The following GPC3 variants were observed in gnomAD, a reference collection of about 807,000 sequenced individuals.
The protein encoded by GPC3 is glypican 3.
A neutral mutation model predicts 34.4 loss-of-function variants in GPC3; 3 were observed. The ratio of observed to expected loss-of-function variants is 0.09; its 90% CI spans 0.04 to 0.23. The LOEUF is 0.23. GPC3 is among the 10% of genes least tolerant of loss of function. The pLI is 1.00. For missense variants in GPC3, 351 were observed against 445.6 expected (o/e 0.79, Z 1.91); for synonymous variants, 177 against 174.0 (o/e 1.02, Z -0.13).
chrX:133,877,505 G>T (rs1478470355), intron 2 of GPC3, among the ~76,000 whole-genome samples: 1 of 111,903 alleles, frequency 8.9e-6, no homozygotes, highest in African/African-American at 3.2e-5. Context: ...TTCTCAAAGT[G>T]CAATTTGGAA....
chrX:133,672,519 G>A (rs990214230), intron 5 of GPC3, among the ~76,000 whole-genome samples: 2 of 112,044 alleles, frequency 1.8e-5, no homozygotes, highest in African/African-American at 6.5e-5. Context: ...AACAAGGAGT[G>A]TGGTAGAGAC....
intron 2 of GPC3, among the ~76,000 whole-genome samples, chrX:133,843,894 T>A (rs2075836323): frequency 1.8e-5 from 2 of 112,442 alleles, no homozygotes; most frequent in Admixed American, 1.9e-4. Context: ...TTTTCCCTGT[T>A]CTTTATTACA....
chrX:133,792,222 T>C (rs979102976), intron 2 of GPC3, among the ~76,000 whole-genome samples: 29 of 111,396 alleles, frequency 2.6e-4, no homozygotes, highest in African/African-American at 9.2e-4. Context: ...GCCTGGCCTT[T>C]CACCAACCCC....
chrX:133,617,612 A>T (rs1222709607), intron 6 of GPC3, among the ~76,000 whole-genome samples: 9 of 112,418 alleles, frequency 8.0e-5, no homozygotes, highest in Non-Finnish European at 1.7e-4. Context: ...TCATCAAACC[A>T]AATAGTATCT....
At chrX:133,631,637 G>A (rs1034499855) in intron 6 of GPC3, among the ~76,000 whole-genome samples, 5 of 111,254 alleles carry the variant, frequency 4.5e-5, no homozygotes, top group African/African-American at 1.6e-4. Context: ...CCCAGAAGTG[G>A]GATTGCTGGA....
Position 133,636,123 on chromosome X carries a change from AG to A in GPC3, c.1413+25606del, listed in dbSNP as rs894289685. On this transcript the variant is annotated intron_variant, in intron 6 of 7. Coordinates refer to ENST00000370818, the MANE Select transcript of GPC3 (RefSeq NM_004484.4). ...ACACTTACACTTCCTGGTTCACAAA[AG>A]AAAAAAAACATTGTCAATCCAACAT... 1.1e-4 allele frequency among the ~76,000 whole-genome samples: 12 copies of A among 112,051 alleles called. 1 individual carries two copies. The highest frequency in any genetic ancestry group is 1.9e-4 in the Non-Finnish European group (10 of 53,266).
At chrX:133,928,720 A>T (rs2076285487) in intron 2 of GPC3, among the ~76,000 whole-genome samples, 1 of 111,889 alleles carries the variant, frequency 8.9e-6, no homozygotes, top group Admixed American at 9.5e-5. Flanking sequence ...CCTGTTGGCT[A>T]TTTTTATGTC....
intron 5 of GPC3, among the ~76,000 whole-genome samples, chrX:133,671,829 CG>C (rs1214973316): frequency 9.0e-6 from 1 of 111,423 alleles, no homozygotes; most frequent in Non-Finnish European, 1.9e-5. Context: ...CGCCAGGCCC[CG>C]GTGTGTGATG....
chrX:133,762,813 T>C (rs2071808505), intron 2 of GPC3: 1 of 505,818 alleles, frequency 2.0e-6, no homozygotes, highest in Non-Finnish European at 3.6e-6. Context: ...GAGCCCTTGA[T>C]GTCCTGCAAA....
intron 2 of GPC3, among the ~76,000 whole-genome samples, chrX:133,891,705 G>A (rs1353268496): frequency 4.7e-5 from 5 of 106,786 alleles, no homozygotes; most frequent in African/African-American, 1.7e-4. Flanking sequence ...AGGCTAAGGG[G>A]GAAAGATTGC....
At chrX:133,595,855 C>T (rs1163436578) in intron 7 of GPC3, among the ~76,000 whole-genome samples, 1 of 111,617 alleles carries the variant, frequency 9.0e-6, no homozygotes, top group African/African-American at 3.3e-5. Context: ...ATGCCATAGC[C>T]TATCTATGTT....
chrX:133,813,097 T>C (rs749858620), intron 2 of GPC3, among the ~76,000 whole-genome samples: 69 of 112,742 alleles, frequency 6.1e-4, no homozygotes, highest in Non-Finnish European at 1.0e-3. Flanking sequence ...GGGTGGGAGC[T>C]CCTGACAGAG....
At chrX:133,801,195 G>A (rs2075607901) in intron 2 of GPC3, among the ~76,000 whole-genome samples, 1 of 111,149 alleles carries the variant, frequency 9.0e-6, no homozygotes, top group Non-Finnish European at 1.9e-5. Context: ...TTCACAAAGG[G>A]GGTTTCTTTT....
At chrX:133,970,483 A>G (rs1263500834) in intron 1 of GPC3, among the ~76,000 whole-genome samples, 3 of 110,094 alleles carry the variant, frequency 2.7e-5, no homozygotes, top group South Asian at 4.0e-4. Context: ...AAAACACACA[A>G]TCTCATACCT....
intron 2 of GPC3, among the ~76,000 whole-genome samples, chrX:133,850,194 GT>G (rs749809263): frequency 0.019 from 1,272 of 67,925 alleles, 47 homozygotes; most frequent in Admixed American, 0.14. Flanking sequence ...TTTGGGTTTT[GT>G]TTTTTTTTTT....
At chrX:133,874,467 CCTTTTT>C (rs1490271199) in intron 2 of GPC3, among the ~76,000 whole-genome samples, 1 of 111,878 alleles carries the variant, frequency 8.9e-6, no homozygotes, top group Non-Finnish European at 1.9e-5. Context: ...TCCTACTTTT[CCTTTTT>C]AAGTCCTTTG....
chrX:133,954,519 G>A (rs2076407614), intron 1 of GPC3, among the ~76,000 whole-genome samples: 1 of 109,207 alleles, frequency 9.2e-6, no homozygotes, highest in African/African-American at 3.3e-5. Flanking sequence ...AGTAAAGTAA[G>A]GGAGATACAG....
At chrX:133,695,808 A>G (rs2071111581) in intron 4 of GPC3, among the ~76,000 whole-genome samples, 1 of 112,751 alleles carries the variant, frequency 8.9e-6, no homozygotes, top group Admixed American at 9.4e-5. Context: ...GTCCCACCAG[A>G]CACAGATAAT....
chrX:133,755,155 C>T (rs1376248821), intron 2 of GPC3, among the ~76,000 whole-genome samples: 1 of 112,058 alleles, frequency 8.9e-6, no homozygotes, highest in African/African-American at 3.2e-5. Flanking sequence ...AGAAATAAGA[C>T]AGAGTTTAAA....
Sources: gnomAD v4.1 joint callset for allele counts (sites outside exome capture counted in the v4.1 genomes callset) on GRCh38, gnomAD v4.1.1 for gene constraint, MANE v1.5 for transcripts, NCBI Gene and HGNC (gene_info 2026-07-23, HGNC 2026-07-21) for gene names.